SLC39A11: variants seen among roughly 807,000 people sequenced by gnomAD.
SLC39A11 encodes the protein solute carrier family 39 member 11.
A neutral mutation model predicts 36.1 loss-of-function variants in SLC39A11; 33 were observed. The ratio of observed to expected loss-of-function variants is 0.91; its 90% confidence interval spans 0.69 to 1.22. The LOEUF is 1.22. Among genes scored for constraint, SLC39A11 ranks in the 50% most tolerant of loss-of-function variants. The pLI is 0.00. For synonymous variants in SLC39A11, 166 were observed against 170.3 expected, an observed-to-expected ratio of 0.97 and a Z score of 0.20; for missense variants, 432 against 430.3, an observed-to-expected ratio of 1.00 and a Z score of -0.03.
At chr17:73,017,758 G>A (rs183779239) in intron 4 of SLC39A11, among the ~76,000 whole-genome samples, 1 of 152,202 alleles carries the variant, frequency 6.6e-6, no homozygotes, top group African/African-American at 2.4e-5. Context: ...ATTCAGGACT[G>A]CTGACACAGC....
chr17:73,021,616 C>A (rs138957308), intron 4 of SLC39A11, among the ~76,000 whole-genome samples: 1 of 152,032 alleles, frequency 6.6e-6, no homozygotes, highest in Non-Finnish European at 1.5e-5. Context: ...CGTGAGCCAC[C>A]GCTCCCAGCC....
chr17:72,664,072 C>T lies in SLC39A11; in HGVS notation c.672-14804G>A, dbSNP rs192367293. On this transcript the variant is annotated intron_variant, in intron 7 of 9. Transcript: ENST00000255559. ...AGCGGTGAGGGAGGAAAGGGACACC[C>T]GCCTAGCCAGCCAGATCAGCCGAAT... 73 of 160,770 alleles carry T rather than the reference C, an allele frequency of 4.5e-4. No individual in the cohort carries two copies. In the East Asian group the frequency reaches 0.013, roughly 28 times the overall value. The allele number at this position is 160,770 out of a possible 1,614,324, so 10.0% of individuals were successfully genotyped here.
chr17:72,714,193 T>G (rs577379299), intron 7 of SLC39A11, among the ~76,000 whole-genome samples: 9 of 151,938 alleles, frequency 5.9e-5, no homozygotes, highest in Non-Finnish European at 1.0e-4. Flanking sequence ...TCGTCTCTAC[T>G]AAAAATACAA....
chr17:72,656,176 C>T (rs768305698), intron 7 of SLC39A11, among the ~76,000 whole-genome samples: 15 of 152,142 alleles, frequency 9.9e-5, no homozygotes, highest in Admixed American at 5.2e-4. Flanking sequence ...TCAAAAGCCA[C>T]GGGGAAAATA....
rs139513240 is a variant in SLC39A11, at chr17:72,756,871, C to T, written c.602-20152G>A. 1.3e-4 allele frequency among the ~76,000 whole-genome samples: 19 copies of T among 151,624 alleles called. No homozygotes were observed. The South Asian group carries it at 1.7e-3, about 13-fold the overall frequency. ...TAAGGTTTAAAAGTGGTGCAATGGC[C>T]GGGTGCAATGGCTCATGCCTGTAAT... On this transcript the variant is annotated intron_variant, in intron 6 of 9. Transcript: ENST00000255559.
intron 4 of SLC39A11, among the ~76,000 whole-genome samples, chr17:72,959,881 T>G (rs2452926): frequency 0.97 from 147,305 of 152,246 alleles, 71,411 homozygotes; most frequent in East Asian, 1. Context: ...TCTCCTTAAT[T>G]CCTCATTCTG....
At chr17:72,931,510 G>A (rs2466532) in intron 5 of SLC39A11, among the ~76,000 whole-genome samples, 54,807 of 151,978 alleles carry the variant, frequency 0.36, 10,532 homozygotes, top group Middle Eastern at 0.46. Context: ...CCCGCTCTCC[G>A]TTCATCCGCT....
chr17:73,083,833 A>G (rs530025266), intron 3 of SLC39A11, among the ~76,000 whole-genome samples: 13 of 152,368 alleles, frequency 8.5e-5, no homozygotes, highest in African/African-American at 2.2e-4. Context: ...TGACACCTTT[A>G]GAAAGATGAA....
chr17:73,069,095 C>T (rs924602348), intron 3 of SLC39A11, among the ~76,000 whole-genome samples: 1 of 152,078 alleles, frequency 6.6e-6, no homozygotes, highest in Non-Finnish European at 1.5e-5. Context: ...TTTCTGTTCC[C>T]TCTGCCTGTA....
intron 5 of SLC39A11, among the ~76,000 whole-genome samples, chr17:72,851,156 G>C (rs952466184): frequency 1.3e-5 from 2 of 152,124 alleles, no homozygotes; most frequent in Non-Finnish European, 2.9e-5. Flanking sequence ...TGGGCCATCC[G>C]TAGCACCCAG....
Position 72,954,524 on chromosome 17 carries a change from T to C in SLC39A11, c.307-6649A>G, listed in dbSNP as rs77955402. On this transcript the variant is annotated intron_variant, in intron 4 of 9. Coordinates refer to ENST00000255559, the MANE Select transcript of SLC39A11 (RefSeq NM_139177.4). The stretch of plus-strand genomic sequence containing the variant: ...CGGGTGGCCTGCCTGGGGCCCAGCA[T>C]AGGTGCTGCCTCCTCCCATTCCCCA... Among the ~76,000 whole-genome samples, 724 of 152,282 alleles carry C rather than the reference T, an allele frequency of 4.8e-3. 15 individuals carry two copies. Among genetic ancestry groups the C allele is most frequent in the Admixed American group, 0.042 (648 of 15,296 alleles).
At chr17:73,037,530 C>T (rs2058961821) in intron 3 of SLC39A11, among the ~76,000 whole-genome samples, 1 of 152,236 alleles carries the variant, frequency 6.6e-6, no homozygotes, top group Non-Finnish European at 1.5e-5. Context: ...TTTTGCCAGC[C>T]AGTCCCTTCA....
chr17:72,943,457 T>A lies in SLC39A11; in HGVS notation c.430+4295A>T, dbSNP rs191161827. On this transcript the variant is annotated intron_variant, in intron 5 of 9. Coordinates refer to ENST00000255559, the MANE Select transcript of SLC39A11 (RefSeq NM_139177.4). The stretch of plus-strand genomic sequence containing the variant: ...ATTGCATCAGATCTGCAAGGCTGTG[T>A]AGGCAGAATTCTTATTGCCAAGTGA... Among the ~76,000 whole-genome samples the A allele has an allele frequency of 7.2e-5, 11 of 152,312 alleles. No individual in the cohort carries two copies. In the East Asian group the frequency reaches 1.9e-3, roughly 27 times the overall value.
intron 6 of SLC39A11, among the ~76,000 whole-genome samples, chr17:72,799,039 G>A (rs1226386406): frequency 6.6e-6 from 1 of 151,282 alleles, no homozygotes; most frequent in East Asian, 1.9e-4. Context: ...GTTTTGACTT[G>A]TGCACTTGGA....
intron 6 of SLC39A11, among the ~76,000 whole-genome samples, chr17:72,759,294 T>C (rs77340434): frequency 6.6e-6 from 1 of 152,184 alleles, no homozygotes; most frequent in South Asian, 2.1e-4. Context: ...GTCTGGCTCA[T>C]GAATTTCTAA....
chr17:72,769,799 T>C (rs1202968021), intron 6 of SLC39A11, among the ~76,000 whole-genome samples: 1 of 152,146 alleles, frequency 6.6e-6, no homozygotes, highest in Non-Finnish European at 1.5e-5. Context: ...TGCCTCGGCC[T>C]CCCAAAGTGC....
chr17:72,922,323 T>G (rs2083716761), intron 5 of SLC39A11, among the ~76,000 whole-genome samples: 1 of 152,222 alleles, frequency 6.6e-6, no homozygotes, highest in South Asian at 2.1e-4. Flanking sequence ...CCCTCTCACT[T>G]CAATAAACTA....
intron 4 of SLC39A11, among the ~76,000 whole-genome samples, chr17:73,006,094 C>T (rs1157737743): frequency 6.6e-6 from 1 of 152,074 alleles, no homozygotes; most frequent in Non-Finnish European, 1.5e-5. Flanking sequence ...CACGACATGT[C>T]CCGTACAGAA....
intron 3 of SLC39A11, among the ~76,000 whole-genome samples, chr17:73,039,762 T>C (rs1367813714): frequency 6.6e-6 from 1 of 152,140 alleles, no homozygotes; most frequent in African/African-American, 2.4e-5. Context: ...AGTCTACTGA[T>C]AGAATCACAG....
Sources: gnomAD v4.1 joint callset for allele counts (sites outside exome capture counted in the v4.1 genomes callset) on GRCh38, gnomAD v4.1.1 for gene constraint, MANE v1.5 for transcripts, NCBI Gene and HGNC (gene_info 2026-07-23, HGNC 2026-07-21) for gene names.